Variants in CDYL2 observed in about 807,000 individuals in gnomAD.
CDYL2 encodes the protein chromodomain Y like 2.
In CDYL2, 23 loss-of-function variants were observed where a neutral mutation model predicts 49.4. The ratio of observed to expected loss-of-function variants is 0.47; its 90% CI spans 0.34 to 0.66. The LOEUF is 0.66. Ranked by LOEUF, CDYL2 falls within the 30% of genes least tolerant of loss-of-function variation. The pLI, the probability that CDYL2 is intolerant of heterozygous loss-of-function variation, is 0.01. For missense variants in CDYL2, 678 were observed against 656.4 expected (o/e 1.03, Z -0.36); for synonymous variants, 360 against 268.8 (o/e 1.34, Z -3.32).
chr16:80,741,188 G>A (rs947561425), intron 1 of CDYL2, among the ~76,000 whole-genome samples: 7 of 149,942 alleles, frequency 4.7e-5, no homozygotes, highest in Non-Finnish European at 7.4e-5. Flanking sequence ...TACTATATAA[G>A]ATGTGTGTAT....
intron 2 of CDYL2, among the ~76,000 whole-genome samples, chr16:80,657,116 C>G (rs1908847040): frequency 6.6e-6 from 1 of 152,196 alleles, no homozygotes; most frequent in South Asian, 2.1e-4. Flanking sequence ...AACTTGTAGA[C>G]AGCTCACGCT....
At chr16:80,698,070 A>G (rs1904283358) in intron 1 of CDYL2, among the ~76,000 whole-genome samples, 1 of 152,224 alleles carries the variant, frequency 6.6e-6, no homozygotes, top group Non-Finnish European at 1.5e-5. Flanking sequence ...GGAAGCACAA[A>G]AGATCCCAAA....
chr16:80,762,043 A>G (rs1906550803), intron 1 of CDYL2, among the ~76,000 whole-genome samples: 1 of 151,924 alleles, frequency 6.6e-6, no homozygotes, highest in Admixed American at 6.6e-5. Context: ...AAAATTAGCC[A>G]GGCATAGTGG....
At chr16:80,636,710 C>T (rs1907844624) in intron 2 of CDYL2, among the ~76,000 whole-genome samples, 1 of 152,138 alleles carries the variant, frequency 6.6e-6, no homozygotes. Context: ...TGGGTATATA[C>T]CCAAAGGATT....
At chr16:80,706,672 A>G (rs771990427) in intron 1 of CDYL2, among the ~76,000 whole-genome samples, 13 of 152,192 alleles carry the variant, frequency 8.5e-5, no homozygotes, top group Non-Finnish European at 1.8e-4. Flanking sequence ...GAAATGCTCC[A>G]CAAGTGTACA....
intron 2 of CDYL2, among the ~76,000 whole-genome samples, chr16:80,647,525 G>A (rs1209661284): frequency 6.6e-6 from 1 of 151,904 alleles, no homozygotes; most frequent in Non-Finnish European, 1.5e-5. Flanking sequence ...ACCCAACACT[G>A]GATCACCCAG....
chr16:80,775,784 C>T (rs368774502), intron 1 of CDYL2, among the ~76,000 whole-genome samples: 72 of 151,708 alleles, frequency 4.7e-4, no homozygotes, highest in African/African-American at 1.6e-3. Context: ...AAGCCAATAA[C>T]GATCTACAGA....
At chr16:80,743,463 A>G (rs989627898) in intron 1 of CDYL2, among the ~76,000 whole-genome samples, 2 of 145,158 alleles carry the variant, frequency 1.4e-5, no homozygotes. Flanking sequence ...CATCAGCTCT[A>G]ACAGAAGTAG....
intron 1 of CDYL2, among the ~76,000 whole-genome samples, chr16:80,687,939 C>G (rs574992247): frequency 1.3e-5 from 2 of 152,288 alleles, no homozygotes; most frequent in South Asian, 4.1e-4. Context: ...TGTTCCTCCA[C>G]CTTTCAGAAT....
At chr16:80,773,237 T>C (rs544114357) in intron 1 of CDYL2, among the ~76,000 whole-genome samples, 14 of 152,270 alleles carry the variant, frequency 9.2e-5, no homozygotes, top group South Asian at 4.1e-4. Context: ...AAAGGATCAA[T>C]TTCCTAGGAA....
At chr16:80,737,017 T>G (rs1181388155) in intron 1 of CDYL2, among the ~76,000 whole-genome samples, 1 of 152,166 alleles carries the variant, frequency 6.6e-6, no homozygotes, top group Non-Finnish European at 1.5e-5. Context: ...TTTTGTTACG[T>G]GGGAGAAGGG....
intron 1 of CDYL2, among the ~76,000 whole-genome samples, chr16:80,745,536 C>G (rs924952536): frequency 6.6e-6 from 1 of 152,100 alleles, no homozygotes; most frequent in Non-Finnish European, 1.5e-5. Flanking sequence ...AAAAACAGTA[C>G]CCCCTTCATG....
intron 6 of CDYL2, among the ~76,000 whole-genome samples, chr16:80,604,748 G>A (rs759150317): frequency 2.6e-5 from 4 of 152,218 alleles, no homozygotes; most frequent in Non-Finnish European, 5.9e-5. Flanking sequence ...AACACTGTGA[G>A]GCCCTGGGAT....
Position 80,604,424 on chromosome 16 carries a change from A to G in CDYL2, c.1485T>C (p.Leu495=). 6.2e-7 allele frequency: 1 copy of G among 1,614,210 alleles called. No individual in the cohort carries two copies. The highest frequency in any genetic ancestry group is 8.5e-7 in the Non-Finnish European group (1 of 1,180,032). Reference sequence around the variant, plus strand: ...AAATTTTGTCCTGCAGGTAGCTGAAAAGGGAGTCAAGGCCTTTGGAGGAGC... The same window carrying G: ...AAATTTTGTCCTGCAGGTAGCTGAAGAGGGAGTCAAGGCCTTTGGAGGAGC... ...LWSSSKGLDS[L]FSYLQDKIYE... The change falls in exon 7 of 7, where the codon CTT becomes CTC. Residue 495 remains leucine (L), a synonymous_variant. Transcript: ENST00000570137.
chr16:80,728,455 T>C (rs1423011364), intron 1 of CDYL2, among the ~76,000 whole-genome samples: 1 of 152,132 alleles, frequency 6.6e-6, no homozygotes, highest in Non-Finnish European at 1.5e-5. Flanking sequence ...TTTGAAAAGA[T>C]CAAATCTACG....
intron 2 of CDYL2, among the ~76,000 whole-genome samples, chr16:80,636,161 G>A (rs973639662): frequency 2.6e-5 from 4 of 152,144 alleles, no homozygotes; most frequent in Non-Finnish European, 4.4e-5. Flanking sequence ...AAGAATTCAT[G>A]ATTAAAACAC....
chr16:80,760,045 A>G (rs1021716601), intron 1 of CDYL2, among the ~76,000 whole-genome samples: 3 of 152,220 alleles, frequency 2.0e-5, no homozygotes, highest in African/African-American at 7.2e-5. Context: ...TTTTAAGAAA[A>G]TGGCGAAAAT....
At chr16:80,670,831 G>A in intron 2 of CDYL2, 4 of 446,710 alleles carry the variant, frequency 9.0e-6, no homozygotes, top group Non-Finnish European at 1.4e-5. Flanking sequence ...CCACAGTCGG[G>A]TTGCACACGA....
At chr16:80,682,190 AT>A (rs1281715266) in intron 2 of CDYL2, among the ~76,000 whole-genome samples, 1 of 152,172 alleles carries the variant, frequency 6.6e-6, no homozygotes, top group African/African-American at 2.4e-5. Context: ...ATGGGATGTG[AT>A]TAAGCAAAAG....
Sources: allele counts gnomAD v4.1 joint callset (sites outside exome capture counted in the v4.1 genomes callset), GRCh38; gene constraint gnomAD v4.1.1; transcripts MANE v1.5; gene names NCBI Gene and HGNC (gene_info 2026-07-23, HGNC 2026-07-21).